Variants in PTPRD observed in about 807,000 individuals in gnomAD.
PTPRD encodes the protein receptor-type tyrosine-protein phosphatase delta.
In PTPRD, 34 loss-of-function variants were observed where a neutral mutation model predicts 214.5. That is an observed-to-expected ratio of 0.16 (90% confidence interval 0.12 to 0.21). PTPRD has a LOEUF of 0.21. PTPRD is among the 10% of genes least tolerant of loss of function. PTPRD has a pLI of 1.00. For synonymous variants in PTPRD, 1,128 were observed against 845.7 expected, an observed-to-expected ratio of 1.33 and a Z score of -5.79; for missense variants, 2,545 against 2,398.7, an observed-to-expected ratio of 1.06 and a Z score of -1.27.
chr9:10,571,333 C>A (rs2067364432), intron 2 of PTPRD, among the ~76,000 whole-genome samples: 1 of 152,068 alleles, frequency 6.6e-6, no homozygotes, highest in African/African-American at 2.4e-5. Flanking sequence ...TACATTATAC[C>A]TATCTTTAGT....
At position 9,792,276 on chromosome 9, in the gene PTPRD, T is replaced by G. The variant is rs187953057; in HGVS notation, c.-367-25425A>C. ...TATTTAATGCTGTTTCAGGTAGCAC[T>G]GAACCACTTGCCAATTTAACTGTCT... On this transcript the variant is annotated intron_variant, in intron 5 of 45. Coordinates refer to ENST00000381196, the MANE Select transcript of PTPRD (RefSeq NM_002839.4). Among the ~76,000 whole-genome samples, 8 of 152,294 alleles carry G rather than the reference T, an allele frequency of 5.3e-5. No individual in the cohort carries two copies. The East Asian group carries it at 1.5e-3, about 29-fold the overall frequency.
At chr9:10,087,169 TG>T (rs1245807165) in intron 3 of PTPRD, among the ~76,000 whole-genome samples, 1 of 151,284 alleles carries the variant, frequency 6.6e-6, no homozygotes, top group Non-Finnish European at 1.5e-5. Flanking sequence ...AAAAGTAGTA[TG>T]TAATATGTAT....
chr9:10,590,646 C>G (rs981768445), intron 2 of PTPRD, among the ~76,000 whole-genome samples: 98 of 151,962 alleles, frequency 6.4e-4, no homozygotes, highest in Non-Finnish European at 2.5e-4. Flanking sequence ...ATCAGTAGTT[C>G]ATTCTTTTTT....
chr9:9,427,602 C>T (rs893875876), intron 8 of PTPRD, among the ~76,000 whole-genome samples: 1 of 152,114 alleles, frequency 6.6e-6, no homozygotes, highest in Non-Finnish European at 1.5e-5. Context: ...CTCCAAGACA[C>T]ATAATTGTCA....
At chr9:8,331,460 A>G (rs1478173278) in intron 44 of PTPRD, 122 bp downstream of exon 44, 1 of 1,109,050 alleles carries the variant, frequency 9.0e-7, no homozygotes, top group East Asian at 2.6e-5. Context: ...ATCCTGCTTT[A>G]AGTTTTGTAA....
chr9:9,050,358 C>G (rs573755939), intron 10 of PTPRD, among the ~76,000 whole-genome samples: 2 of 152,116 alleles, frequency 1.3e-5, no homozygotes, highest in South Asian at 4.1e-4. Context: ...ATGGAGAAAA[C>G]GATAGGGCAT....
intron 7 of PTPRD, among the ~76,000 whole-genome samples, chr9:9,720,715 C>G (rs1237334749): frequency 6.6e-6 from 1 of 151,962 alleles, no homozygotes; most frequent in African/African-American, 2.4e-5. Context: ...CAGTACTATT[C>G]ACAATAGCAA....
chr9:8,854,002 T>A (rs1566630519), intron 11 of PTPRD, among the ~76,000 whole-genome samples: 1 of 152,310 alleles, frequency 6.6e-6, no homozygotes, highest in South Asian at 2.1e-4. Flanking sequence ...AGTAAAGCAT[T>A]TTTTGAATAC....
At chr9:9,414,601 T>C (rs1413752385) in intron 8 of PTPRD, among the ~76,000 whole-genome samples, 1 of 152,178 alleles carries the variant, frequency 6.6e-6, no homozygotes, top group Non-Finnish European at 1.5e-5. Context: ...AACCAACCCA[T>C]CTTCATCATC....
intron 9 of PTPRD, among the ~76,000 whole-genome samples, chr9:9,370,982 A>C (rs2139750028): frequency 6.6e-6 from 1 of 152,222 alleles, no homozygotes; most frequent in South Asian, 2.1e-4. Flanking sequence ...ATGGTGGATA[A>C]GTTTTTTGAT....
At chr9:9,593,587 T>C (rs2092984248) in intron 7 of PTPRD, among the ~76,000 whole-genome samples, 1 of 151,868 alleles carries the variant, frequency 6.6e-6, no homozygotes, top group Non-Finnish European at 1.5e-5. Flanking sequence ...GGAGAACAAA[T>C]GTCAAGTGAA....
chr9:8,943,032 C>T (rs182993502), intron 11 of PTPRD, among the ~76,000 whole-genome samples: 1 of 151,838 alleles, frequency 6.6e-6, no homozygotes, highest in Admixed American at 6.6e-5. Flanking sequence ...AGAAAGTAAC[C>T]TTATTTACAA....
At chr9:9,245,547 C>T (rs2099972639) in intron 9 of PTPRD, among the ~76,000 whole-genome samples, 1 of 151,692 alleles carries the variant, frequency 6.6e-6, no homozygotes, top group Admixed American at 6.6e-5. Context: ...CATGTTCTCA[C>T]TCATAGGTGG....
intron 4 of PTPRD, among the ~76,000 whole-genome samples, chr9:10,029,833 T>A (rs191957836): frequency 6.6e-6 from 1 of 152,048 alleles, no homozygotes. Context: ...TATGAGAACA[T>A]AAGATTTGGG....
intron 35 of PTPRD, among the ~76,000 whole-genome samples, chr9:8,414,963 GAGAGAGAGAGAC>G (rs1355829716): frequency 2.7e-5 from 4 of 149,768 alleles, no homozygotes; most frequent in African/African-American, 9.9e-5. Flanking sequence ...GAGAGAGAGA[GAGAGAGAGAGAC>G]AGACAGACAG....
intron 10 of PTPRD, among the ~76,000 whole-genome samples, chr9:9,039,735 G>T (rs557737414): frequency 6.6e-6 from 1 of 152,274 alleles, no homozygotes; most frequent in East Asian, 1.9e-4. Context: ...AATGTTGTTT[G>T]TTTATTCCTG....
intron 10 of PTPRD, among the ~76,000 whole-genome samples, chr9:9,129,706 T>C (rs922062388): frequency 1.3e-5 from 2 of 152,200 alleles, no homozygotes; most frequent in Non-Finnish European, 2.9e-5. Flanking sequence ...AGTTAGTCAC[T>C]AGCCAGATTT....
At chr9:8,813,920 G>C (rs1007924643) in intron 11 of PTPRD, among the ~76,000 whole-genome samples, 1 of 152,190 alleles carries the variant, frequency 6.6e-6, no homozygotes, top group Non-Finnish European at 1.5e-5. Context: ...CTCCGAGTCT[G>C]AGTTAGTTAT....
chr9:9,528,464 A>C (rs1289521396), intron 8 of PTPRD, among the ~76,000 whole-genome samples: 2 of 152,206 alleles, frequency 1.3e-5, no homozygotes, highest in Non-Finnish European at 2.9e-5. Context: ...AGCTTTAAAA[A>C]AAAAGATTGA....
Sources: gnomAD v4.1 joint callset for allele counts (sites outside exome capture counted in the v4.1 genomes callset) on GRCh38, gnomAD v4.1.1 for gene constraint, MANE v1.5 for transcripts, NCBI Gene and HGNC (gene_info 2026-07-23, HGNC 2026-07-21) for gene names.